NRG1: variants seen among roughly 807,000 people sequenced by gnomAD.
The protein encoded by NRG1 is neuregulin 1.
A neutral mutation model predicts 63.8 loss-of-function variants in NRG1; 18 were observed. The ratio of observed to expected loss-of-function variants is 0.28; its 90% CI spans 0.19 to 0.42. The LOEUF (loss-of-function observed/expected upper bound fraction) is 0.42, where lower values mean the gene tolerates loss of function less well. Among genes scored for constraint, NRG1 ranks in the 10% least tolerant of loss-of-function variants. The pLI is 1.00. For missense variants in NRG1, 762 were observed against 814.7 expected, an observed-to-expected ratio of 0.94 and a Z score of 0.79; for synonymous variants, 302 against 301.3, an observed-to-expected ratio of 1.00 and a Z score of -0.02.
intron 1 of NRG1, among the ~76,000 whole-genome samples, chr8:32,316,031 A>C (rs925449919): frequency 1.4e-5 from 2 of 147,206 alleles, no homozygotes; most frequent in African/African-American, 5.4e-5. Flanking sequence ...AAGATGTTAG[A>C]ATACAAATAC....
intron 1 of NRG1, among the ~76,000 whole-genome samples, chr8:32,219,027 T>C (rs1485153524): frequency 6.6e-6 from 1 of 152,162 alleles, no homozygotes; most frequent in Admixed American, 6.5e-5. Flanking sequence ...AAATATTTGG[T>C]AGTGTGGATG....
intron 1 of NRG1, among the ~76,000 whole-genome samples, chr8:32,192,587 T>G (rs1842597093): frequency 1.3e-5 from 2 of 151,972 alleles, no homozygotes; most frequent in South Asian, 4.2e-4. Flanking sequence ...TGGGGACTAC[T>G]AGATGCAGGA....
upstream of NRG1, among the ~76,000 whole-genome samples, chr8:32,544,384 A>AT (rs1832855324): frequency 1.3e-5 from 2 of 152,002 alleles, no homozygotes; most frequent in Admixed American, 1.3e-4. Context: ...GTATTGTCAT[A>AT]TTTAATTTGT....
intron 1 of NRG1, among the ~76,000 whole-genome samples, chr8:31,710,339 C>T (rs1483907687): frequency 1.3e-5 from 2 of 151,630 alleles, no homozygotes; most frequent in Admixed American, 6.6e-5. Context: ...AATAAATATT[C>T]CATAAATCCA....
chr8:31,791,669 C>T (rs1436346120), intron 1 of NRG1, among the ~76,000 whole-genome samples: 1 of 152,104 alleles, frequency 6.6e-6, no homozygotes, highest in South Asian at 2.1e-4. Context: ...AGCTGTTTTT[C>T]ATTTCACCTG....
chr8:32,393,430 A>G (rs1812034379), intron 1 of NRG1, among the ~76,000 whole-genome samples: 1 of 152,206 alleles, frequency 6.6e-6, no homozygotes, highest in South Asian at 2.1e-4. Flanking sequence ...AAACACACGC[A>G]TGCTTATGTT....
chr8:31,694,481 A>G (rs1467099854), intron 1 of NRG1, among the ~76,000 whole-genome samples: 3 of 152,208 alleles, frequency 2.0e-5, no homozygotes, highest in African/African-American at 7.2e-5. Flanking sequence ...CAGAAGTGGT[A>G]AAGGAGAGGC....
At chr8:32,193,094 A>T (rs1446159085) in intron 1 of NRG1, among the ~76,000 whole-genome samples, 1 of 152,202 alleles carries the variant, frequency 6.6e-6, no homozygotes, top group Non-Finnish European at 1.5e-5. Flanking sequence ...GAACTGATGA[A>T]TGTTAATATT....
At chr8:31,920,918 AG>A (rs1384522389) in intron 1 of NRG1, among the ~76,000 whole-genome samples, 7 of 140,192 alleles carry the variant, frequency 5.0e-5, no homozygotes, top group Non-Finnish European at 1.1e-4. Context: ...ATAGATAGAT[AG>A]ATAGATATAA....
At chr8:32,226,434 C>T (rs1255269795) in intron 1 of NRG1, among the ~76,000 whole-genome samples, 1 of 152,050 alleles carries the variant, frequency 6.6e-6, no homozygotes, top group Non-Finnish European at 1.5e-5. Flanking sequence ...TCAATTTGTA[C>T]CTACTTTATT....
intron 1 of NRG1, among the ~76,000 whole-genome samples, chr8:31,788,831 A>G (rs527884299): frequency 3.1e-4 from 47 of 152,350 alleles, no homozygotes; most frequent in African/African-American, 1.0e-3. Context: ...ACTAACAACA[A>G]GTAAGTGAAG....
At chr8:32,253,925 T>C (rs1192796305) in intron 1 of NRG1, among the ~76,000 whole-genome samples, 2 of 152,196 alleles carry the variant, frequency 1.3e-5, no homozygotes, top group South Asian at 2.1e-4. Flanking sequence ...TGGGAGGGTG[T>C]ATGTGTCTAG....
chr8:32,110,230 A>T (rs562474295), intron 1 of NRG1, among the ~76,000 whole-genome samples: 1 of 152,320 alleles, frequency 6.6e-6, no homozygotes, highest in Non-Finnish European at 1.5e-5. Context: ...GAGAGAAATG[A>T]TTGTCAACAC....
At chr8:31,874,568 A>G (rs1247907839) in intron 1 of NRG1, among the ~76,000 whole-genome samples, 5 of 152,242 alleles carry the variant, frequency 3.3e-5, no homozygotes, top group African/African-American at 7.2e-5. Flanking sequence ...TGAGGTCTCC[A>G]TCCCTTCAAA....
downstream of NRG1, among the ~76,000 whole-genome samples, chr8:32,770,127 CA>C (rs1360504625): frequency 2.6e-5 from 4 of 152,154 alleles, no homozygotes; most frequent in Non-Finnish European, 5.9e-5. Flanking sequence ...GCCCACCCCA[CA>C]GGATGCCAAA....
intron 5 of NRG1, among the ~76,000 whole-genome samples, chr8:32,635,505 C>T (rs1232406928): frequency 6.6e-6 from 1 of 152,016 alleles, no homozygotes; most frequent in Non-Finnish European, 1.5e-5. Context: ...CATGCCATTT[C>T]ATTTTGAGTT....
chr8:32,384,102 T>C (rs913440323), intron 1 of NRG1, among the ~76,000 whole-genome samples: 3 of 151,966 alleles, frequency 2.0e-5, no homozygotes, highest in African/African-American at 7.3e-5. Flanking sequence ...CCAGGAGTGG[T>C]GGTATGTACC....
chr8:32,099,135 G>C (rs1830249185), intron 1 of NRG1, among the ~76,000 whole-genome samples: 1 of 152,174 alleles, frequency 6.6e-6, no homozygotes, highest in Admixed American at 6.5e-5. Context: ...AGGAGACAAA[G>C]GCTTGCTGGG....
chr8:32,177,363 G>T (rs926753141), intron 1 of NRG1, among the ~76,000 whole-genome samples: 3 of 151,518 alleles, frequency 2.0e-5, no homozygotes, highest in Non-Finnish European at 4.4e-5. Flanking sequence ...AGCATTAGGA[G>T]GTATACCTAA....
Sources: allele counts gnomAD v4.1 joint callset (sites outside exome capture counted in the v4.1 genomes callset), GRCh38; gene constraint gnomAD v4.1.1; transcripts MANE v1.5; gene names NCBI Gene and HGNC (gene_info 2026-07-23, HGNC 2026-07-21).